UBE2E2: variants seen among roughly 807,000 people sequenced by gnomAD.
UBE2E2 encodes the protein ubiquitin-conjugating enzyme E2 E2.
Under a neutral mutation model 24.7 loss-of-function variants are expected in UBE2E2, and 6 were observed. The ratio of observed to expected loss-of-function variants is 0.24; its 90% CI spans 0.13 to 0.48. The LOEUF (loss-of-function observed/expected upper bound fraction) is 0.48. UBE2E2 is among the 20% of genes least tolerant of loss of function. The pLI is 0.99. For missense variants in UBE2E2, 169 were observed against 245.0 expected (o/e 0.69, Z 2.07); for synonymous variants, 104 against 83.6 (o/e 1.24, Z -1.33).
At chr3:23,235,381 C>T (rs1449731177) in intron 3 of UBE2E2, among the ~76,000 whole-genome samples, 4 of 151,998 alleles carry the variant, frequency 2.6e-5, no homozygotes, top group African/African-American at 7.3e-5. Context: ...TGCTGAAGCT[C>T]GAAAGCAGAT....
intron 3 of UBE2E2, among the ~76,000 whole-genome samples, chr3:23,295,326 G>T (rs922361621): frequency 6.6e-6 from 1 of 151,842 alleles, no homozygotes; most frequent in Non-Finnish European, 1.5e-5. Context: ...GTCTTTGCTG[G>T]TTTCTTTTCA....
At chr3:23,584,527 C>A (rs34882744) in intron 5 of UBE2E2, among the ~76,000 whole-genome samples, 1 of 150,958 alleles carries the variant, frequency 6.6e-6, no homozygotes, top group East Asian at 1.9e-4. Context: ...TCAAAAAATG[C>A]GAAGAGGTAG....
At chr3:23,535,843 A>G (rs890698588) in intron 5 of UBE2E2, among the ~76,000 whole-genome samples, 1 of 151,878 alleles carries the variant, frequency 6.6e-6, no homozygotes, top group African/African-American at 2.4e-5. Flanking sequence ...GGATGGTCTC[A>G]ATCTCCTGAC....
intron 3 of UBE2E2, among the ~76,000 whole-genome samples, chr3:23,376,517 G>C (rs1696524912): frequency 6.6e-6 from 1 of 152,206 alleles, no homozygotes. Flanking sequence ...AATTAGGATG[G>C]AAGCCGTCTT....
chr3:23,462,254 T>A (rs1323712239), intron 3 of UBE2E2, among the ~76,000 whole-genome samples: 1 of 152,170 alleles, frequency 6.6e-6, no homozygotes, highest in Admixed American at 6.6e-5. Context: ...TTGCCCAGTG[T>A]ATAGCTAGTA....
At chr3:23,560,119 G>A (rs1350062494) in intron 5 of UBE2E2, among the ~76,000 whole-genome samples, 3 of 151,936 alleles carry the variant, frequency 2.0e-5, no homozygotes, top group Non-Finnish European at 2.9e-5. Context: ...GTGCAGGTTT[G>A]TTACATATAT....
chr3:23,426,417 CAA>C (rs34164749), intron 3 of UBE2E2, among the ~76,000 whole-genome samples: 55,003 of 119,960 alleles, frequency 0.46, 10,440 homozygotes, highest in East Asian at 0.63. Context: ...AGGATAAATG[CAA>C]AAAAAAAAAA....
chr3:23,350,929 A>C (rs894064528), intron 3 of UBE2E2, among the ~76,000 whole-genome samples: 5 of 152,174 alleles, frequency 3.3e-5, no homozygotes, highest in Non-Finnish European at 7.3e-5. Context: ...CAAGACACAT[A>C]ATTGTCAGAT....
intron 3 of UBE2E2, among the ~76,000 whole-genome samples, chr3:23,397,177 G>A (rs1697099331): frequency 6.6e-6 from 1 of 152,142 alleles, no homozygotes; most frequent in East Asian, 1.9e-4. Flanking sequence ...ACAGCTTTTT[G>A]AGCACTTACT....
intron 3 of UBE2E2, among the ~76,000 whole-genome samples, chr3:23,232,747 A>C (rs2125332764): frequency 6.6e-6 from 1 of 152,374 alleles, no homozygotes; most frequent in Middle Eastern, 3.4e-3. Flanking sequence ...CTTTGCGCAT[A>C]CATTGTTTCA....
chr3:23,217,449 G>T, intron 3 of UBE2E2, 137 bp downstream of exon 3: 3 of 785,208 alleles, frequency 3.8e-6, no homozygotes, highest in South Asian at 3.4e-5. Context: ...AGTGACTGTG[G>T]AAGACAATGG....
chr3:23,224,891 CTG>C (rs1225069137), intron 3 of UBE2E2, among the ~76,000 whole-genome samples: 1 of 149,740 alleles, frequency 6.7e-6, no homozygotes, highest in Non-Finnish European at 1.5e-5. Flanking sequence ...TATAGTAAGT[CTG>C]TGTTTCCTGC....
intron 5 of UBE2E2, among the ~76,000 whole-genome samples, chr3:23,549,621 A>C (rs1695598401): frequency 1.3e-5 from 2 of 152,156 alleles, no homozygotes; most frequent in South Asian, 4.1e-4. Flanking sequence ...AAAAAATGGT[A>C]TGTGTGGACC....
intron 3 of UBE2E2, among the ~76,000 whole-genome samples, chr3:23,342,811 C>T (rs1695434262): frequency 2.6e-5 from 4 of 151,980 alleles, no homozygotes; most frequent in African/African-American, 7.2e-5. Flanking sequence ...GTCCTAAACC[C>T]AAGAATAAAC....
At chr3:23,300,992 C>CT (rs1699064508) in intron 3 of UBE2E2, among the ~76,000 whole-genome samples, 1 of 152,234 alleles carries the variant, frequency 6.6e-6, no homozygotes, top group South Asian at 2.1e-4. Context: ...TCTTTTTATT[C>CT]TTTTTTCTCT....
intron 5 of UBE2E2, chr3:23,534,024 G>T (rs936744074): frequency 5.5e-6 from 1 of 182,050 alleles, no homozygotes; most frequent in Non-Finnish European, 1.0e-5. Flanking sequence ...CTAATTTAAA[G>T]TTAATTTTGT....
chr3:23,411,973 G>T lies in UBE2E2; in HGVS notation c.228-87635G>T, dbSNP rs1334426192. ...AGTTGCTTGTCTACAATGTATATAA[G>T]TGTAGAGAGAAGTAGAGTTAATTGC... On this transcript the variant is annotated intron_variant, in intron 3 of 5. Transcript: ENST00000396703. Among the ~76,000 whole-genome samples the T allele has an allele frequency of 3.9e-5, 6 of 152,112 alleles. No individual in the cohort carries two copies. The East Asian group carries it at 1.2e-3, about 29-fold the overall frequency.
intron 3 of UBE2E2, among the ~76,000 whole-genome samples, chr3:23,442,907 T>C (rs1698338589): frequency 1.3e-5 from 2 of 152,208 alleles, no homozygotes; most frequent in Non-Finnish European, 1.5e-5. Flanking sequence ...TTTAATTTTC[T>C]TTGATAATAT....
chr3:23,533,370 G>A (rs906978216), intron 5 of UBE2E2, among the ~76,000 whole-genome samples: 2 of 152,062 alleles, frequency 1.3e-5, no homozygotes, highest in Admixed American at 6.5e-5. Context: ...TTTCATTGAT[G>A]TTCTCAGTGG....
Sources: gnomAD v4.1 joint callset for allele counts (sites outside exome capture counted in the v4.1 genomes callset) on GRCh38, gnomAD v4.1.1 for gene constraint, MANE v1.5 for transcripts, NCBI Gene and HGNC (gene_info 2026-07-23, HGNC 2026-07-21) for gene names.